The following DCDC1 variants were observed in gnomAD, a reference collection of about 807,000 sequenced individuals.
DCDC1 encodes the protein doublecortin domain-containing protein 1.
Under a neutral mutation model 178.3 loss-of-function variants are expected in DCDC1, and 200 were observed. The ratio of observed to expected loss-of-function variants is 1.12; its 90% confidence interval spans 1.00 to 1.26. The LOEUF (loss-of-function observed/expected upper bound fraction) is 1.26, where lower values mean the gene tolerates loss of function less well. DCDC1 is among the 50% of genes most tolerant of loss of function. The pLI is 0.00. For synonymous variants in DCDC1, 690 were observed against 604.8 expected (o/e 1.14, Z -2.07); for missense variants, 1,983 against 1,749.2 (o/e 1.13, Z -2.38).
chr11:31,161,267 C>A (rs769196377), intron 9 of DCDC1, among the ~76,000 whole-genome samples: 2 of 152,044 alleles, frequency 1.3e-5, no homozygotes, highest in Admixed American at 6.6e-5. Flanking sequence ...GGAGTCAATG[C>A]GTAATTTCGA....
At chr11:30,992,295 T>C (rs1951033015) in intron 20 of DCDC1, among the ~76,000 whole-genome samples, 1 of 152,206 alleles carries the variant, frequency 6.6e-6, no homozygotes, top group African/African-American at 2.4e-5. Context: ...ATGGTGACCA[T>C]GTAGCTGAGG....
chr11:31,273,500 C>G (rs923415876), intron 7 of DCDC1, among the ~76,000 whole-genome samples: 17 of 152,152 alleles, frequency 1.1e-4, no homozygotes, highest in Admixed American at 1.1e-3. Flanking sequence ...CCAACAAGTT[C>G]CTTATCTCCA....
rs114094754 is a variant in DCDC1, at chr11:31,074,766, C to T, written c.2298+3099G>A. On this transcript the variant is annotated intron_variant, in intron 18 of 38. Transcript: ENST00000684477. ...AAAAATGTGGAAGTAGCTTTGGAACCGGGTAATGAACAGAGGCTGTGAGAG... is the reference window on the plus strand; with the variant it reads ...AAAAATGTGGAAGTAGCTTTGGAACTGGGTAATGAACAGAGGCTGTGAGAG... 1.1e-4 allele frequency among the ~76,000 whole-genome samples: 17 copies of T among 152,102 alleles called. 1 individual carries two copies. The South Asian group carries it at 1.9e-3, about 17-fold the overall frequency.
chr11:30,997,391 T>C (rs1951328715), intron 20 of DCDC1, among the ~76,000 whole-genome samples: 1 of 152,126 alleles, frequency 6.6e-6, no homozygotes, highest in Admixed American at 6.6e-5. Context: ...AATACAGCTT[T>C]TGACAAATCA....
At chr11:31,252,026 C>A (rs959756626) in intron 8 of DCDC1, among the ~76,000 whole-genome samples, 1 of 152,076 alleles carries the variant, frequency 6.6e-6, no homozygotes, top group African/African-American at 2.4e-5. Flanking sequence ...AGAATGAAAT[C>A]GTTTTTAAAA....
chr11:31,352,704 A>G (rs1564920824), intron 1 of DCDC1, among the ~76,000 whole-genome samples: 1 of 152,200 alleles, frequency 6.6e-6, no homozygotes, highest in South Asian at 2.1e-4. Flanking sequence ...ATCCACCTAA[A>G]TTCATATAAT....
chr11:30,901,905 A>C (rs1411811002), intron 32 of DCDC1, among the ~76,000 whole-genome samples: 1 of 152,150 alleles, frequency 6.6e-6, no homozygotes, highest in Non-Finnish European at 1.5e-5. Flanking sequence ...ATTTCACTGA[A>C]TGTTTGGTAA....
rs182726683 is a variant in DCDC1 at position 30,943,513 on chromosome 11, C to T, written c.2715+8932G>A. ...ACTATCCAACAGCTCATTCCAAAATCGTACATCTTTTTAATCTTACTTTTT... is the reference window on the plus strand; with the variant it reads ...ACTATCCAACAGCTCATTCCAAAATTGTACATCTTTTTAATCTTACTTTTT... On this transcript the variant is annotated intron_variant, in intron 21 of 38. Transcript: ENST00000684477. 2.0e-5 allele frequency: 7 copies of T among 357,360 alleles called. No individual in the cohort carries two copies. The East Asian group carries it at 5.3e-4, about 27-fold the overall frequency. The allele number at this position is 357,360 out of a possible 1,614,324, so 22.1% of individuals were successfully genotyped here. A position where few individuals can be genotyped will look rare whatever the true frequency, so the allele number is the denominator to read the frequency against.
At chr11:31,364,463 A>C (rs1044681001) in intron 1 of DCDC1, among the ~76,000 whole-genome samples, 12 of 152,226 alleles carry the variant, frequency 7.9e-5, no homozygotes, top group African/African-American at 2.7e-4. Context: ...AGGCTCATGG[A>C]ATGATTAAAA....
chr11:31,259,317 C>T (rs933162102), intron 8 of DCDC1, among the ~76,000 whole-genome samples: 4 of 152,058 alleles, frequency 2.6e-5, no homozygotes, highest in African/African-American at 7.2e-5. Context: ...CACACCACTG[C>T]ACTCCACCCT....
At chr11:31,133,327 G>A (rs146279111) in intron 10 of DCDC1, among the ~76,000 whole-genome samples, 1,556 of 152,200 alleles carry the variant, frequency 0.01, 24 homozygotes, top group African/African-American at 0.033. Flanking sequence ...TACTAGGAAC[G>A]TCATCTAGGC....
chr11:30,961,519 T>C (rs1475063809), intron 20 of DCDC1, among the ~76,000 whole-genome samples: 3 of 152,056 alleles, frequency 2.0e-5, no homozygotes, highest in Admixed American at 6.6e-5. Context: ...CTTTAACGTT[T>C]TGTTTTACGC....
chr11:31,148,210 TAAAAAAA>T (rs55829692), intron 9 of DCDC1, among the ~76,000 whole-genome samples: 6 of 95,674 alleles, frequency 6.3e-5, no homozygotes, highest in South Asian at 3.7e-4. Context: ...TTTATTATTA[TAAAAAAA>T]AAAAAAAAAA....
intron 8 of DCDC1, among the ~76,000 whole-genome samples, chr11:31,244,407 C>T (rs1977576749): frequency 6.6e-6 from 1 of 151,524 alleles, no homozygotes; most frequent in African/African-American, 2.4e-5. Context: ...CTCTTTTTCC[C>T]TTATTATTTT....
intron 9 of DCDC1, among the ~76,000 whole-genome samples, chr11:31,149,231 T>C (rs1391486790): frequency 2.6e-5 from 4 of 152,206 alleles, no homozygotes; most frequent in Admixed American, 6.5e-5. Flanking sequence ...TTTGGGTAAG[T>C]ACCCAGTAGT....
chr11:31,265,739 T>A, intron 7 of DCDC1, 139 bp from the exon 8 acceptor site: 1 of 363,006 alleles, frequency 2.8e-6, no homozygotes, highest in Non-Finnish European at 4.7e-6. Context: ...TGTTCTAATA[T>A]ATGAAATTTA....
At chr11:31,264,235 T>C (rs1485302722) in intron 8 of DCDC1, among the ~76,000 whole-genome samples, 2 of 152,170 alleles carry the variant, frequency 1.3e-5, no homozygotes, top group East Asian at 3.8e-4. Flanking sequence ...TAGAAACAGA[T>C]CATGTAGGAG....
chr11:30,982,252 T>G (rs1381150768), intron 20 of DCDC1, among the ~76,000 whole-genome samples: 1 of 152,188 alleles, frequency 6.6e-6, no homozygotes, highest in African/African-American at 2.4e-5. Context: ...CCAAGGTGAG[T>G]TAAAGTTACA....
chr11:30,931,913 T>G lies in DCDC1; in HGVS notation c.2755A>C (p.Ser919Arg), dbSNP rs564544876. The G allele has an allele frequency of 1.2e-6, 2 of 1,612,792 alleles. No homozygotes were observed. The highest frequency in any genetic ancestry group is 2.2e-5 in the East Asian group (1 of 44,836). ...WPIQGLLVPS[S>R]PPMKKPICKT... ...CAGATGGGTTTCTTCATGGGAGGAC[T>G]GCTCGGAACAAGCAGTCCTTGTATT... The change falls in exon 22 of 39, where the codon AGT becomes CGT. Residue 919 changes from serine to arginine, a missense_variant. Physicochemically the swap from Ser to Arg is moderately radical, Grantham distance 110. Coordinates refer to ENST00000684477, the MANE Select transcript of DCDC1 (RefSeq NM_001387274.1).
Sources: gnomAD v4.1 joint callset for allele counts (sites outside exome capture counted in the v4.1 genomes callset) on GRCh38, gnomAD v4.1.1 for gene constraint, MANE v1.5 for transcripts, NCBI Gene and HGNC (gene_info 2026-07-23, HGNC 2026-07-21) for gene names.